Variants in CLEC12A observed in about 807,000 individuals in gnomAD.
The protein encoded by CLEC12A is C-type lectin domain family 12 member A.
In CLEC12A, 22 loss-of-function variants were observed where a neutral mutation model predicts 26.5. That is an observed-to-expected ratio of 0.83 (90% CI 0.59 to 1.19). The LOEUF (loss-of-function observed/expected upper bound fraction) is 1.19. Ranked by LOEUF, CLEC12A falls within the 50% of genes most tolerant of loss-of-function variation. CLEC12A has a pLI of 0.00. For synonymous variants in CLEC12A, 119 were observed against 101.9 expected (o/e 1.17, Z -1.01); for missense variants, 353 against 315.6 (o/e 1.12, Z -0.90).
At chr12:9,995,240 T>G (rs1335235701) in exon 5 of CLEC12A, 1 of 1,611,816 alleles carries the variant, frequency 6.2e-7, no homozygotes, top group Non-Finnish European at 8.5e-7. Context: ...CTGGCTTTGA[T>G]GTACTCCTAT....
chr12:9,975,664 A>C (rs918119589), intron 1 of CLEC12A, among the ~76,000 whole-genome samples: 4 of 152,212 alleles, frequency 2.6e-5, no homozygotes, highest in African/African-American at 9.6e-5. Context: ...TTTTCTGAGG[A>C]GAAATTCAAG....
chr12:9,985,150 A>T lies in CLEC12A; in HGVS notation c.*124A>T. On this transcript the variant is annotated 3_prime_UTR_variant, in exon 6 of 6. Coordinates refer to ENST00000304361, the MANE Select transcript of CLEC12A (RefSeq NM_138337.6). ...GAAGACCTGGGATTTTATCATGCAGATGAAACATCCAGGTAGCAAGCTTCA... is the reference window on the plus strand; with the variant it reads ...GAAGACCTGGGATTTTATCATGCAGTTGAAACATCCAGGTAGCAAGCTTCA... 2 of 1,095,540 alleles carry T rather than the reference A, an allele frequency of 1.8e-6. No individual in the cohort carries two copies. The highest frequency in any genetic ancestry group is 2.4e-6 in the Non-Finnish European group (2 of 831,820). 67.9% of individuals were successfully genotyped at this position (1,095,540 alleles called of 1,614,324 possible). A position where few individuals can be genotyped will look rare whatever the true frequency, so the allele number is the denominator to read the frequency against.
Position 9,971,563 on chromosome 12 carries a change from T to A in CLEC12A, c.-34T>A. 1 of 1,593,688 alleles carries A rather than the reference T, an allele frequency of 6.3e-7. No homozygotes were observed. Among genetic ancestry groups the A allele is most frequent in the Non-Finnish European group, 8.5e-7 (1 of 1,171,552 alleles). ...TAACTCACTCATCTTTTTGTGTTTTTACACTTTGTCAAGATTTCTTTACAT... is the reference window on the plus strand; with the variant it reads ...TAACTCACTCATCTTTTTGTGTTTTAACACTTTGTCAAGATTTCTTTACAT... On this transcript the variant is annotated 5_prime_UTR_variant, in exon 1 of 6. Coordinates refer to ENST00000304361, the MANE Select transcript of CLEC12A (RefSeq NM_138337.6).
the CLEC12A span, among the ~76,000 whole-genome samples, chr12:10,006,076 T>C: frequency 2.0e-5 from 3 of 152,242 alleles, no homozygotes; most frequent in Admixed American, 2.0e-4. Flanking sequence ...AATAACTGTG[T>C]TTCCATATTT....
chr12:9,986,423 C>A (rs932461866), downstream of CLEC12A, among the ~76,000 whole-genome samples: 19 of 137,268 alleles, frequency 1.4e-4, no homozygotes, highest in Non-Finnish European at 2.8e-4. Flanking sequence ...ATCCCCCCCC[C>A]CCTTTTTTTC....
downstream of CLEC12A, among the ~76,000 whole-genome samples, chr12:9,987,575 G>C (rs984866716): frequency 1.3e-5 from 2 of 152,184 alleles, no homozygotes; most frequent in Admixed American, 6.5e-5. Context: ...TTTACTAAAA[G>C]AGCAGATTTT....
In CLEC12A at chr12:9,993,169, T is replaced by C. The variant is rs1487468458; in HGVS notation, n.1005-1849T>C. ...TAAGGTAGTTGGTCCACCTTGGTCA[T>C]GCCAGCCTTCCTCTCACACATTAAA... On this transcript the variant is annotated intron_variant and non_coding_transcript_variant, in intron 4 of 4. Transcript: ENST00000449959. 5.0e-6 allele frequency: 8 copies of C among 1,611,684 alleles called. No individual in the cohort carries two copies. The Admixed American group carries it at 1.2e-4, about 24-fold the overall frequency.
chr12:10,004,346 C>G, the CLEC12A span, among the ~76,000 whole-genome samples: 1 of 152,318 alleles, frequency 6.6e-6, no homozygotes, highest in African/African-American at 2.4e-5. Flanking sequence ...CACACATGAA[C>G]TCAAAGGATG....
chr12:9,965,022 A>G (rs1483612207), intron 1 of CLEC12A, among the ~76,000 whole-genome samples: 2 of 152,202 alleles, frequency 1.3e-5, no homozygotes, highest in Admixed American at 6.5e-5. Flanking sequence ...TGAAGGAGCC[A>G]GGGAGCAGAA....
chr12:9,999,019 G>A (rs750110333), downstream of CLEC12A: 1 of 1,426,624 alleles, frequency 7.0e-7, no homozygotes, highest in South Asian at 1.2e-5. Flanking sequence ...CCAAATTATT[G>A]GCTCTGAGCA....
intron 1 of CLEC12A, among the ~76,000 whole-genome samples, chr12:9,962,938 C>T (rs993187441): frequency 3.3e-5 from 5 of 151,982 alleles, no homozygotes; most frequent in South Asian, 4.2e-4. Context: ...GGAGAGATAA[C>T]GGGCGATATT....
chr12:9,960,602 C>G (rs1863812530), intron 1 of CLEC12A, among the ~76,000 whole-genome samples: 1 of 152,118 alleles, frequency 6.6e-6, no homozygotes, highest in African/African-American at 2.4e-5. Context: ...CCAGAAGGAT[C>G]AATGACCAGA....
chr12:10,004,047 A>G, the CLEC12A span, among the ~76,000 whole-genome samples: 68,941 of 152,086 alleles, frequency 0.45, 16,075 homozygotes, highest in Middle Eastern at 0.51. Flanking sequence ...TGTGACGGGC[A>G]TGTCTGTCTG....
intron 3 of CLEC12A, 78 bp downstream of exon 3, chr12:9,979,602 T>C: frequency 9.2e-7 from 1 of 1,086,176 alleles, no homozygotes; most frequent in East Asian, 2.6e-5. Flanking sequence ...ATTTTATAAT[T>C]AGCTAGCAGC....
At chr12:9,954,322 C>G (rs2137089220) in intron 1 of CLEC12A, among the ~76,000 whole-genome samples, 1 of 151,438 alleles carries the variant, frequency 6.6e-6, no homozygotes, top group East Asian at 1.9e-4. Flanking sequence ...TGGTGAAACC[C>G]TGTCTCTACA....
chr12:9,976,680 A>T (rs568219674), intron 1 of CLEC12A, among the ~76,000 whole-genome samples: 7 of 152,254 alleles, frequency 4.6e-5, no homozygotes, highest in Non-Finnish European at 8.8e-5. Context: ...TTGGTTTTGA[A>T]ATGTGAGACA....
intron 5 of CLEC12A, among the ~76,000 whole-genome samples, 184 bp downstream of exon 5, chr12:9,982,313 A>C (rs919053059): frequency 6.6e-6 from 1 of 152,126 alleles, no homozygotes; most frequent in Admixed American, 6.6e-5. Flanking sequence ...CCTTCTCATA[A>C]TTTTGACAAG....
downstream of CLEC12A, chr12:9,997,231 C>T (rs747895438): frequency 6.2e-7 from 1 of 1,613,612 alleles, no homozygotes; most frequent in African/African-American, 1.3e-5. Context: ...TTGCAGAGTT[C>T]CTGTGCGATT....
intron 1 of CLEC12A, chr12:9,951,786 C>G (rs1235795535): frequency 4.9e-6 from 1 of 204,492 alleles, no homozygotes; most frequent in Non-Finnish European, 1.0e-5. Flanking sequence ...GTGTATTCTT[C>G]AGGGTTGGTC....
Sources: gnomAD v4.1 joint callset for allele counts (sites outside exome capture counted in the v4.1 genomes callset) on GRCh38, gnomAD v4.1.1 for gene constraint, MANE v1.5 for transcripts, NCBI Gene and HGNC (gene_info 2026-07-23, HGNC 2026-07-21) for gene names.